PRORP: variants seen among roughly 807,000 people sequenced by gnomAD.
PRORP encodes mitochondrial ribonuclease P catalytic subunit.
In PRORP, 51 loss-of-function variants were observed where a neutral mutation model predicts 59.4. The ratio of observed to expected loss-of-function variants is 0.86; its 90% CI spans 0.69 to 1.08. PRORP has a LOEUF of 1.08. Among genes scored for constraint, PRORP ranks in the 50% least tolerant of loss-of-function variants. PRORP has a pLI of 0.00. For synonymous variants in PRORP, 231 were observed against 245.6 expected (o/e 0.94, Z 0.55); for missense variants, 646 against 690.3 (o/e 0.94, Z 0.72).
rs1555326788 is a variant in PRORP at position 35,188,961 on chromosome 14, A to AAAAAAGAAAGAAAG, written c.1275+8187_1275+8188insAAGAAAGAAAGAAA. 3.8e-5 allele frequency among the ~76,000 whole-genome samples: 5 copies of AAAAAAGAAAGAAAG among 132,774 alleles called. 1 individual carries two copies. The highest frequency in any genetic ancestry group is 7.9e-5 in the Non-Finnish European group (5 of 63,430). The allele number at this position is 132,774 out of a possible 152,430, so 87.1% of individuals were successfully genotyped here. On this transcript the variant is annotated intron_variant, in intron 5 of 7. Transcript: ENST00000534898. ...CTGTCTAAAAAAAAAAAAAAAAAAA[A>AAAAAAGAAAGAAAG]AAAGTATTGCCTAATCCAAGGTCAT...
chr14:35,191,248 T>C (rs544662503), intron 5 of PRORP, among the ~76,000 whole-genome samples: 1 of 152,328 alleles, frequency 6.6e-6, no homozygotes, highest in South Asian at 2.1e-4. Context: ...GATGGTTTTA[T>C]AAGAGGTTTC....
chr14:35,204,222 G>C (rs1289232744), intron 5 of PRORP, among the ~76,000 whole-genome samples: 1 of 152,072 alleles, frequency 6.6e-6, no homozygotes, highest in Non-Finnish European at 1.5e-5. Flanking sequence ...TTACTGGAAA[G>C]TAGTGTTGGG....
intron 5 of PRORP, among the ~76,000 whole-genome samples, chr14:35,255,530 A>G (rs1385092476): frequency 2.0e-5 from 3 of 152,108 alleles, no homozygotes; most frequent in Non-Finnish European, 4.4e-5. Flanking sequence ...GGCCTTTTCA[A>G]TTCATCAGGA....
intron 5 of PRORP, among the ~76,000 whole-genome samples, chr14:35,257,778 A>G (rs533146351): frequency 1.1e-4 from 16 of 152,230 alleles, no homozygotes; most frequent in Non-Finnish European, 2.4e-4. Flanking sequence ...CTGAACAGCT[A>G]CAATCCATAA....
intron 5 of PRORP, among the ~76,000 whole-genome samples, chr14:35,208,394 A>G (rs1419062221): frequency 1.3e-5 from 2 of 152,144 alleles, no homozygotes; most frequent in Admixed American, 6.5e-5. Flanking sequence ...GGGGCAGACT[A>G]TTATTTTAGT....
chr14:35,137,272 A>AT (rs145216150), intron 4 of PRORP, among the ~76,000 whole-genome samples: 10,461 of 145,362 alleles, frequency 0.072, 1,773 homozygotes, highest in Middle Eastern at 0.14. Flanking sequence ...ATCAATAGAG[A>AT]TAAAAAATAT....
intron 5 of PRORP, among the ~76,000 whole-genome samples, chr14:35,246,178 G>A (rs1476666219): frequency 6.6e-6 from 1 of 152,044 alleles, no homozygotes; most frequent in Non-Finnish European, 1.5e-5. Flanking sequence ...CTGTGACTTT[G>A]TATGGTCTAT....
intron 5 of PRORP, among the ~76,000 whole-genome samples, chr14:35,201,476 G>C (rs2049146336): frequency 1.3e-5 from 2 of 151,920 alleles, no homozygotes; most frequent in Non-Finnish European, 2.9e-5. Flanking sequence ...AGTACTTTGG[G>C]TTATAATCTA....
At chr14:35,179,723 C>G (rs913000733) in intron 4 of PRORP, among the ~76,000 whole-genome samples, 6 of 152,164 alleles carry the variant, frequency 3.9e-5, no homozygotes, top group Non-Finnish European at 5.9e-5. Context: ...CGTCTGAAGC[C>G]TTCTTCTCTC....
At chr14:35,146,171 T>TC (rs373005075) in intron 4 of PRORP, among the ~76,000 whole-genome samples, 11 of 152,206 alleles carry the variant, frequency 7.2e-5, no homozygotes, top group Non-Finnish European at 1.0e-4. Flanking sequence ...ATAATCACAG[T>TC]CCCCATAATT....
chr14:35,164,927 CA>C (rs1016699053), intron 4 of PRORP, among the ~76,000 whole-genome samples: 3 of 151,358 alleles, frequency 2.0e-5, no homozygotes, highest in South Asian at 2.1e-4. Flanking sequence ...ATTTCCCAGC[CA>C]AAAAAAACTC....
At chr14:35,173,518 T>G (rs1369292775) in intron 4 of PRORP, among the ~76,000 whole-genome samples, 1 of 152,142 alleles carries the variant, frequency 6.6e-6, no homozygotes, top group East Asian at 1.9e-4. Flanking sequence ...GAGATTTATG[T>G]GCAAATTTTG....
At position 35,276,944 on chromosome 14, in the gene PRORP, T is replaced by C. The variant is rs1488652067; in HGVS notation, c.*3378T>C. 1.3e-5 allele frequency: 2 copies of C among 152,192 alleles called. No individual in the cohort carries two copies. Among genetic ancestry groups the C allele is most frequent in the East Asian group, 3.8e-4 (2 of 5,196 alleles). The allele number at this position is 152,192 out of a possible 1,614,324, so 9.4% of individuals were successfully genotyped here. A position where few individuals can be genotyped will look rare whatever the true frequency, so the allele number is the denominator to read the frequency against. ...CTCATCTGAGGTGGCTTATTCTTCA[T>C]AGGAAATTAATTTTTCTTCTCAAGT... On this transcript the variant is annotated 3_prime_UTR_variant, in exon 8 of 8. Coordinates refer to ENST00000534898, the MANE Select transcript of PRORP (RefSeq NM_014672.4).
intron 5 of PRORP, among the ~76,000 whole-genome samples, chr14:35,234,267 C>T (rs750284174): frequency 2.0e-5 from 3 of 152,120 alleles, no homozygotes; most frequent in Non-Finnish European, 4.4e-5. Flanking sequence ...ATTCTGTAGC[C>T]GTGTGTTTCA....
rs2051289054 is a variant in PRORP, at chr14:35,275,989, T to TA, written c.*2424dup. ...TAACCCAGCTCTTCTAATTCCCAAA[T>TA]ACTCTTTCTTCTACTGGCACATAGA... On this transcript the variant is annotated 3_prime_UTR_variant, in exon 8 of 8. Transcript: ENST00000534898. 1 of 151,548 alleles carries TA rather than the reference T, an allele frequency of 6.6e-6. No individual in the cohort carries two copies. The highest frequency in any genetic ancestry group is 1.5e-5 in the Non-Finnish European group (1 of 67,982). 9.4% of individuals were successfully genotyped at this position (151,548 alleles called of 1,614,324 possible). A position where few individuals can be genotyped will look rare whatever the true frequency, so the allele number is the denominator to read the frequency against.
intron 4 of PRORP, chr14:35,158,146 C>T: frequency 3.6e-6 from 1 of 277,894 alleles, no homozygotes; most frequent in Non-Finnish European, 7.1e-6. Flanking sequence ...ATTTCCAGCT[C>T]CGTCTTCTTC....
Position 35,274,454 on chromosome 14 carries a change from C to G in PRORP, c.*888C>G, listed in dbSNP as rs984783484. The G allele has an allele frequency of 2.0e-5, 3 of 151,940 alleles. No individual in the cohort carries two copies. The highest frequency in any genetic ancestry group is 7.3e-5 in the African/African-American group (3 of 41,338). 9.4% of individuals were successfully genotyped at this position (151,940 alleles called of 1,614,324 possible). On this transcript the variant is annotated 3_prime_UTR_variant, in exon 8 of 8. Coordinates refer to ENST00000534898, the MANE Select transcript of PRORP (RefSeq NM_014672.4). ...CTTGAGTCTAGGAGTTCAAGACCAG[C>G]CTAGGCAACATAGTAAGATCTCATT...
At chr14:35,178,450 G>T (rs1419833386) in intron 4 of PRORP, among the ~76,000 whole-genome samples, 2 of 152,136 alleles carry the variant, frequency 1.3e-5, no homozygotes, top group Non-Finnish European at 2.9e-5. Context: ...TATATATTTA[G>T]GATAGTTAGC....
intron 4 of PRORP, among the ~76,000 whole-genome samples, chr14:35,166,024 A>T (rs8015350): frequency 0.43 from 65,258 of 150,978 alleles, 14,295 homozygotes; most frequent in East Asian, 0.68. Flanking sequence ...TATTTTTTTT[A>T]AAAAAAAGAT....
Sources: gnomAD v4.1 joint callset for allele counts (sites outside exome capture counted in the v4.1 genomes callset) on GRCh38, gnomAD v4.1.1 for gene constraint, MANE v1.5 for transcripts, NCBI Gene and HGNC (gene_info 2026-07-23, HGNC 2026-07-21) for gene names.